The following GAS2L3 variants were observed in gnomAD, a reference collection of about 807,000 sequenced individuals.
The protein encoded by GAS2L3 is GAS2-like protein 3.
Under a neutral mutation model 37.0 loss-of-function variants are expected in GAS2L3, and 28 were observed. The observed-to-expected ratio is 0.76, with a 90% CI of 0.56 to 1.04. The LOEUF (loss-of-function observed/expected upper bound fraction) is 1.04. Among genes scored for constraint, GAS2L3 ranks in the 50% least tolerant of loss-of-function variants. The pLI is 0.00. For missense variants in GAS2L3, 793 were observed against 817.6 expected (o/e 0.97, Z 0.37); for synonymous variants, 290 against 296.6 (o/e 0.98, Z 0.23).
At chr12:100,592,579 T>C (rs1219493358) in intron 2 of GAS2L3, 1 of 152,142 alleles carries the variant, frequency 6.6e-6, no homozygotes, top group Non-Finnish European at 1.5e-5. Context: ...ACCTCATGAC[T>C]TTTTAAAAAT....
At chr12:100,611,638 C>T (rs770752059) in intron 5 of GAS2L3, among the ~76,000 whole-genome samples, 2 of 152,012 alleles carry the variant, frequency 1.3e-5, no homozygotes, top group Non-Finnish European at 2.9e-5. Context: ...ATAAGGAGCA[C>T]GCAACCTAGA....
chr12:100,597,398 A>G (rs1328518180), intron 3 of GAS2L3, among the ~76,000 whole-genome samples: 1 of 152,124 alleles, frequency 6.6e-6, no homozygotes, highest in African/African-American at 2.4e-5. Context: ...GGATTATAAT[A>G]GAAATAAAAT....
intron 1 of GAS2L3, chr12:100,579,077 T>A (rs1257958068): frequency 1.4e-6 from 1 of 738,944 alleles, no homozygotes; most frequent in East Asian, 2.6e-5. Flanking sequence ...CAGTCTGCCA[T>A]TGCTCAAGTA....
intron 1 of GAS2L3, chr12:100,579,387 TCACTC>T (rs1955679586): frequency 4.5e-6 from 4 of 891,630 alleles, no homozygotes; most frequent in East Asian, 2.4e-5. Context: ...CCTATTGACT[TCACTC>T]CAGACCCATT....
chr12:100,607,227 C>T (rs1346252807), intron 5 of GAS2L3, among the ~76,000 whole-genome samples: 1 of 152,082 alleles, frequency 6.6e-6, no homozygotes, highest in Non-Finnish European at 1.5e-5. Context: ...TTTTTTCCTT[C>T]AGCACTTTAA....
chr12:100,603,275 C>G (rs1294103202), intron 5 of GAS2L3, among the ~76,000 whole-genome samples: 1 of 152,108 alleles, frequency 6.6e-6, no homozygotes, highest in Non-Finnish European at 1.5e-5. Flanking sequence ...TATGAGGGTT[C>G]CCTTTTCTCC....
chr12:100,613,521 C>T (rs193139129), intron 6 of GAS2L3, among the ~76,000 whole-genome samples: 2 of 151,876 alleles, frequency 1.3e-5, no homozygotes, highest in Non-Finnish European at 1.5e-5. Context: ...CTTTTTATAG[C>T]TTTGAAAGAG....
In GAS2L3 at chr12:100,613,872, G is replaced by A. The variant is rs143270259; in HGVS notation, c.445+1731G>A. ...GCCTCCCAAAGTGCTGGGATTACAG[G>A]CATGAGCCACCACGCCAGGCCAACA... On this transcript the variant is annotated intron_variant, in intron 6 of 9. Coordinates refer to ENST00000547754, the MANE Select transcript of GAS2L3 (RefSeq NM_174942.3). Among the ~76,000 whole-genome samples, 751 of 152,186 alleles carry A rather than the reference G, an allele frequency of 4.9e-3. 8 individuals are homozygous for A. The highest frequency in any genetic ancestry group is 0.017 in the African/African-American group (715 of 41,550).
rs766375184 is a variant in GAS2L3, at chr12:100,617,807, G to A, written c.509G>A (p.Arg170Lys). 5 of 1,559,902 alleles carry A rather than the reference G, an allele frequency of 3.2e-6. No individual in the cohort carries two copies. Among genetic ancestry groups the A allele is most frequent in the Admixed American group, 1.7e-5 (1 of 59,636 alleles). ...CTTGAAATTGGTCGAATTGTGTCAA[G>A]GTATGTATTCCACAATATTTCAGAA... ...CLLEIGRIVS[R>K]YGVEPPVLVK... Residue 170 changes from arginine (R) to lysine (K), a missense_variant and splice_region_variant, in exon 7 of 10, where the codon AGA becomes AAA. By Grantham distance (26) the Arg-to-Lys change is conservative. Coordinates refer to ENST00000547754, the MANE Select transcript of GAS2L3 (RefSeq NM_174942.3).
intron 1 of GAS2L3, among the ~76,000 whole-genome samples, chr12:100,577,812 T>C (rs1241369937): frequency 2.0e-5 from 3 of 151,996 alleles, no homozygotes; most frequent in African/African-American, 4.8e-5. Flanking sequence ...TAAGAGTGAG[T>C]CTGGAAAAGA....
chr12:100,580,231 G>A, intron 1 of GAS2L3: 1 of 609,896 alleles, frequency 1.6e-6, no homozygotes, highest in Non-Finnish European at 3.0e-6. Context: ...TTAAACATTT[G>A]TAATAGTTGT....
chr12:100,584,050 T>C (rs1196274901), intron 1 of GAS2L3, among the ~76,000 whole-genome samples: 1 of 152,200 alleles, frequency 6.6e-6, no homozygotes, highest in Admixed American at 6.5e-5. Flanking sequence ...CAGTTTTTCC[T>C]AGGGGTTTTC....
At chr12:100,575,369 T>G (rs1955622121) in intron 1 of GAS2L3, among the ~76,000 whole-genome samples, 1 of 152,070 alleles carries the variant, frequency 6.6e-6, no homozygotes, top group Non-Finnish European at 1.5e-5. Context: ...CATAAACACG[T>G]GGATTACTAT....
chr12:100,607,611 T>G (rs1956073415), intron 5 of GAS2L3, among the ~76,000 whole-genome samples: 1 of 152,028 alleles, frequency 6.6e-6, no homozygotes, highest in Non-Finnish European at 1.5e-5. Context: ...GCTTCGTTGT[T>G]TTTTATCTTT....
At chr12:100,605,719 A>G (rs141760863) in intron 5 of GAS2L3, among the ~76,000 whole-genome samples, 342 of 151,536 alleles carry the variant, frequency 2.3e-3, no homozygotes, top group Middle Eastern at 0.01. Context: ...GAAATTTTTC[A>G]ATTTTCTTCT....
intron 1 of GAS2L3, among the ~76,000 whole-genome samples, chr12:100,581,807 G>A (rs1488064839): frequency 2.6e-5 from 4 of 152,016 alleles, no homozygotes; most frequent in Admixed American, 2.0e-4. Flanking sequence ...AAGTTTTAAA[G>A]GCATACCACC....
At chr12:100,599,089 C>T (rs933702504) in intron 3 of GAS2L3, among the ~76,000 whole-genome samples, 2 of 152,158 alleles carry the variant, frequency 1.3e-5, no homozygotes, top group Non-Finnish European at 2.9e-5. Context: ...GCCCACTCAC[C>T]TCACTCATGC....
Position 100,612,160 on chromosome 12 carries a change from AT to A in GAS2L3, c.445+21del, listed in dbSNP as rs1956135600. The A allele has an allele frequency of 1.2e-6, 2 of 1,608,414 alleles. No homozygotes were observed. The highest frequency in any genetic ancestry group is 1.7e-6 in the Non-Finnish European group (2 of 1,175,650). ...GGTTTAGGTAAGTGATGTTCTTGTC[AT>A]TCTTGTTTTTAATGCTTACTAGGAT... On this transcript the variant is annotated intron_variant, in intron 6 of 9. Coordinates refer to ENST00000547754, the MANE Select transcript of GAS2L3 (RefSeq NM_174942.3).
At chr12:100,583,453 G>C (rs1282309771) in intron 1 of GAS2L3, among the ~76,000 whole-genome samples, 2 of 152,222 alleles carry the variant, frequency 1.3e-5, no homozygotes, top group African/African-American at 4.8e-5. Context: ...CTGTTGTCCT[G>C]TTAACTTGGA....
Sources: gnomAD v4.1 joint callset for allele counts (sites outside exome capture counted in the v4.1 genomes callset) on GRCh38, gnomAD v4.1.1 for gene constraint, MANE v1.5 for transcripts, NCBI Gene and HGNC (gene_info 2026-07-23, HGNC 2026-07-21) for gene names.